CCDC171: variants seen among roughly 807,000 people sequenced by gnomAD.
The protein encoded by CCDC171 is coiled-coil domain containing 171.
Under a neutral mutation model 168.2 loss-of-function variants are expected in CCDC171, and 177 were observed. The observed-to-expected ratio is 1.05, with a 90% confidence interval of 0.93 to 1.19. CCDC171 has a LOEUF of 1.19. Among genes scored for constraint, CCDC171 ranks in the 50% most tolerant of loss-of-function variants. The probability of loss-of-function intolerance (pLI) is 0.00; values close to 1 mark genes in which losing one functional copy is unlikely to be tolerated. For missense variants in CCDC171, 1,991 were observed against 1,539.0 expected (o/e 1.29, Z -4.91); for synonymous variants, 687 against 540.8 (o/e 1.27, Z -3.75).
rs1274630990 is a variant in CCDC171, at chr9:15,678,908, A to G, written c.1215+12A>G. 3 of 1,565,214 alleles carry G rather than the reference A, an allele frequency of 1.9e-6. No individual in the cohort carries two copies. On this transcript the variant is annotated intron_variant, in intron 10 of 25. Transcript: ENST00000380701. ...AAGAACTAGTAATGGTAAGGATAAA[A>G]AAGAAAACCCTATGGAAATCACTTT...
the CCDC171 span, among the ~76,000 whole-genome samples, chr9:16,086,494 G>A: frequency 6.6e-6 from 1 of 151,932 alleles, no homozygotes; most frequent in African/African-American, 2.4e-5. Context: ...TTTTAGTAGA[G>A]ATGGGGTTTC....
At chr9:15,767,061 T>C (rs1480099136) in intron 18 of CCDC171, among the ~76,000 whole-genome samples, 1 of 152,216 alleles carries the variant, frequency 6.6e-6, no homozygotes, top group Non-Finnish European at 1.5e-5. Flanking sequence ...TGGTTAAAAA[T>C]ACATGACGAA....
chr9:16,049,792 A>T (rs1240259614), intron 1 of CCDC171, among the ~76,000 whole-genome samples: 5 of 152,200 alleles, frequency 3.3e-5, no homozygotes, highest in Non-Finnish European at 7.3e-5. Context: ...CCCCTCTCAT[A>T]GATCTATATC....
chr9:15,726,692 G>A (rs2053825476), intron 14 of CCDC171, among the ~76,000 whole-genome samples: 1 of 151,980 alleles, frequency 6.6e-6, no homozygotes, highest in African/African-American at 2.4e-5. Flanking sequence ...GTAAGAAAAT[G>A]TTCTCTATAA....
intron 11 of CCDC171, among the ~76,000 whole-genome samples, chr9:15,707,438 A>T (rs1271639053): frequency 1.3e-5 from 2 of 152,236 alleles, no homozygotes; most frequent in Non-Finnish European, 2.9e-5. Flanking sequence ...ATCTATTCAG[A>T]GTATGTTAAA....
At chr9:15,582,906 A>G (rs1036355453) in intron 4 of CCDC171, among the ~76,000 whole-genome samples, 3 of 151,440 alleles carry the variant, frequency 2.0e-5, no homozygotes, top group Non-Finnish European at 4.4e-5. Flanking sequence ...CATTCTGCAC[A>G]TGTATCTCGG....
At chr9:16,040,879 CTCTT>C (rs1025102566), upstream of CCDC171, among the ~76,000 whole-genome samples, 1 of 151,472 alleles carries the variant, frequency 6.6e-6, no homozygotes, top group African/African-American at 2.4e-5. Flanking sequence ...AAGATACTCT[CTCTT>C]TTTTTTTCAG....
intron 24 of CCDC171, among the ~76,000 whole-genome samples, chr9:15,898,825 A>G (rs1821254030): frequency 6.6e-6 from 1 of 152,172 alleles, no homozygotes; most frequent in Non-Finnish European, 1.5e-5. Context: ...TGTCAAAACC[A>G]GAAAATTGGC....
intron 23 of CCDC171, among the ~76,000 whole-genome samples, chr9:15,869,461 A>G (rs775895960): frequency 6.7e-5 from 10 of 150,070 alleles, no homozygotes; most frequent in Non-Finnish European, 1.2e-4. Context: ...TCATGCGTTT[A>G]TAACGGTGTT....
chr9:15,978,702 A>G (rs1268294900), downstream of CCDC171, among the ~76,000 whole-genome samples: 1 of 152,208 alleles, frequency 6.6e-6, no homozygotes, highest in Non-Finnish European at 1.5e-5. Context: ...AGGTTAGAGC[A>G]CATACATATA....
intron 6 of CCDC171, 72 bp from the exon 7 acceptor site, chr9:15,623,195 C>T (rs970242220): frequency 1.8e-6 from 2 of 1,088,062 alleles, no homozygotes; most frequent in South Asian, 2.5e-5. Context: ...TACTCACTGT[C>T]TTCTATTGGA....
At chr9:15,678,354 A>G (rs1320985109) in intron 9 of CCDC171, among the ~76,000 whole-genome samples, 1 of 152,136 alleles carries the variant, frequency 6.6e-6, no homozygotes, top group Admixed American at 6.6e-5. Flanking sequence ...GGACATTCAG[A>G]TGTGAGACAT....
chr9:15,627,480 C>T (rs927412993), intron 7 of CCDC171, among the ~76,000 whole-genome samples: 10 of 152,004 alleles, frequency 6.6e-5, no homozygotes, highest in Non-Finnish European at 1.0e-4. Context: ...CCTCTACACG[C>T]TGGTTTGAAT....
At chr9:15,808,392 TTAGA>T (rs1451521431) in intron 21 of CCDC171, among the ~76,000 whole-genome samples, 4 of 152,292 alleles carry the variant, frequency 2.6e-5, no homozygotes, top group African/African-American at 9.6e-5. Context: ...TTGGGATTTG[TTAGA>T]TATATTAGAC....
intron 7 of CCDC171, 62 bp downstream of exon 7, chr9:15,623,475 G>GCGCGCGCGCGCGCGCGCACA: frequency 3.4e-4 from 108 of 315,460 alleles, no homozygotes; most frequent in East Asian, 1.1e-3. Flanking sequence ...GCGCGCGCGC[G>GCGCGCGCGCGCGCGCGCACA]CACACACACA....
intron 25 of CCDC171, among the ~76,000 whole-genome samples, chr9:15,940,341 A>G (rs542744550): frequency 1.3e-5 from 2 of 151,988 alleles, no homozygotes; most frequent in East Asian, 3.9e-4. Context: ...GCTGCAAGTC[A>G]TTTAAGGTCA....
the CCDC171 span, among the ~76,000 whole-genome samples, chr9:16,099,189 A>G: frequency 6.6e-6 from 1 of 152,246 alleles, no homozygotes; most frequent in Non-Finnish European, 1.5e-5. Flanking sequence ...TTGGAGATTT[A>G]ATAAAGCACC....
chr9:15,691,032 C>T (rs144135387), intron 10 of CCDC171, among the ~76,000 whole-genome samples: 2 of 152,098 alleles, frequency 1.3e-5, no homozygotes, highest in Admixed American at 1.3e-4. Flanking sequence ...AATTTGTTAA[C>T]AATTGTCTGA....
chr9:16,023,846 C>G (rs80182631), intron 6 of CCDC171, among the ~76,000 whole-genome samples: 2 of 119,818 alleles, frequency 1.7e-5, no homozygotes, highest in African/African-American at 6.4e-5. Context: ...ACCCTCCCCC[C>G]ACCCCCACAA....
Sources: gnomAD v4.1 joint callset for allele counts (sites outside exome capture counted in the v4.1 genomes callset) on GRCh38, gnomAD v4.1.1 for gene constraint, MANE v1.5 for transcripts, NCBI Gene and HGNC (gene_info 2026-07-23, HGNC 2026-07-21) for gene names.